OGDHL: variants seen among roughly 807,000 people sequenced by gnomAD.
OGDHL encodes the protein oxoglutarate dehydrogenase L.
Under a neutral mutation model 109.6 loss-of-function variants are expected in OGDHL, and 79 were observed. The ratio of observed to expected loss-of-function variants is 0.72; its 90% confidence interval spans 0.60 to 0.87. The LOEUF (loss-of-function observed/expected upper bound fraction) is 0.87, where lower values mean the gene tolerates loss of function less well. OGDHL is among the 40% of genes least tolerant of loss of function. The pLI is 0.00. For missense variants in OGDHL, 1,275 were observed against 1,362.2 expected (o/e 0.94, Z 1.01); for synonymous variants, 528 against 537.2 (o/e 0.98, Z 0.24).
chr10:49,736,125 C>T lies in OGDHL; in HGVS notation c.2807G>A (p.Gly936Asp). Residue 936 changes from glycine (G) to aspartate (D), a missense_variant, in exon 22 of 23, where the codon GGT (glycine) becomes GAT (aspartate). Coordinates refer to ENST00000374103, the MANE Select transcript of OGDHL (RefSeq NM_018245.3). Reference protein sequence around the residue: ...LIKQEAEKYPGAELAWCQEEH... With the variant: ...LIKQEAEKYPDAELAWCQEEH... ...CTCCTGACACCAGGCCAGCTCCGCA[C>T]CTGGGTACTTCTCTGCCTCCTGCTT... 2 of 1,611,590 alleles carry T rather than the reference C, an allele frequency of 1.2e-6. No homozygotes were observed. Among genetic ancestry groups the T allele is most frequent in the Non-Finnish European group, 8.5e-7 (1 of 1,178,662 alleles).
intron 3 of OGDHL, among the ~76,000 whole-genome samples, chr10:49,752,957 G>C (rs889853770): frequency 6.6e-6 from 1 of 152,230 alleles, no homozygotes; most frequent in Non-Finnish European, 1.5e-5. Flanking sequence ...AACATGCACG[G>C]GCAAAAACAG....
chr10:49,752,853 C>G (rs1842697034), intron 3 of OGDHL, 113 bp from the exon 4 acceptor site: 1 of 728,572 alleles, frequency 1.4e-6, no homozygotes, highest in East Asian at 2.6e-5. Context: ...GTTAAGCTTC[C>G]CCATGTCTCT....
rs1399902868 is a variant in OGDHL, at chr10:49,742,946, T to C, written c.1894A>G (p.Met632Val). Residue 632 changes from methionine (M) to valine (V), a missense_variant, in exon 15 of 23, where the codon ATG becomes GTG. Transcript: ENST00000374103. The stretch of plus-strand genomic sequence containing the variant: ...CAGTCCACCGTCCGGTTCTTGGTCA[T>C]GTCCGCACGGCCCCGCAGAATGCGA... ...LSRILRGRADMTKNRTVDWAL... is the reference protein window; with the variant it reads ...LSRILRGRADVTKNRTVDWAL... The C allele has an allele frequency of 2.5e-6, 4 of 1,613,766 alleles. No homozygotes were observed. The highest frequency in any genetic ancestry group is 2.7e-5 in the African/African-American group (2 of 74,952).
intron 3 of OGDHL, among the ~76,000 whole-genome samples, chr10:49,754,507 A>C (rs1326101455): frequency 2.0e-5 from 3 of 152,234 alleles, no homozygotes; most frequent in Non-Finnish European, 4.4e-5. Flanking sequence ...CAGAGTTAAC[A>C]AACGGAAGTT....
At chr10:49,749,559 A>C (rs1842441281) in intron 8 of OGDHL, among the ~76,000 whole-genome samples, 167 bp downstream of exon 8, 1 of 152,062 alleles carries the variant, frequency 6.6e-6, no homozygotes, top group South Asian at 2.1e-4. Context: ...TGCTCCAAAA[A>C]GCCTTAGGGT....
chr10:49,737,251 G>A (rs933134996), intron 20 of OGDHL, among the ~76,000 whole-genome samples: 1 of 152,140 alleles, frequency 6.6e-6, no homozygotes, highest in African/African-American at 2.4e-5. Context: ...TGTCCATGCT[G>A]AGGCCCTTCC....
intron 3 of OGDHL, among the ~76,000 whole-genome samples, chr10:49,756,041 T>C (rs559682259): frequency 6.6e-6 from 1 of 152,322 alleles, no homozygotes; most frequent in Admixed American, 6.5e-5. Flanking sequence ...CTCTGTTCCA[T>C]CCCACAGATT....
rs753061900 is a variant in OGDHL, at chr10:49,745,470, A to C, written c.1503T>G (p.Asn501Lys). Reference sequence around the variant, plus strand: ...GGGTGAACATGGGCTCGTCCATCTCATTGTGGCCACGCCGGCGGTAACAGA... The same window carrying C: ...GGGTGAACATGGGCTCGTCCATCTCCTTGTGGCCACGCCGGCGGTAACAGA... ...DLVCYRRRGH[N>K]EMDEPMFTQP... The change falls in exon 12 of 23, where the codon AAT becomes AAG. Residue 501 changes from asparagine to lysine, a missense_variant. Asn to Lys is a moderately conservative substitution (Grantham distance 94). Transcript: ENST00000374103. The C allele has an allele frequency of 1.2e-6, 2 of 1,613,994 alleles. No homozygotes were observed. The highest frequency in any genetic ancestry group is 1.7e-6 in the Non-Finnish European group (2 of 1,180,002).
At chr10:49,746,107 A>G (rs754624085) in intron 10 of OGDHL, 130 bp from the exon 11 acceptor site, 9 of 1,022,812 alleles carry the variant, frequency 8.8e-6, no homozygotes, top group Non-Finnish European at 1.3e-5. Flanking sequence ...GTGGGACACA[A>G]CAGGGTGATG....
Position 49,758,469 on chromosome 10 carries a change from T to C in OGDHL, c.124A>G (p.Ser42Gly). 1 of 1,613,946 alleles carries C rather than the reference T, an allele frequency of 6.2e-7. No homozygotes were observed. Among genetic ancestry groups the C allele is most frequent in the East Asian group, 2.2e-5 (1 of 44,868 alleles). Residue 42 changes from serine to glycine, a missense_variant, in exon 2 of 23, where the codon AGC becomes GGC. Ser to Gly is a moderately conservative substitution (Grantham distance 56, BLOSUM62 0). Transcript: ENST00000374103. ...RSSGPPATFPSSKGGGGSSYM... is the reference protein window; with the variant it reads ...RSSGPPATFPGSKGGGGSSYM... Reference sequence around the variant, plus strand: ...CTGGAGCCGCCTCCACCTTTGCTGCTTGGGAAGGTGGCCGGTGGCCCGGAG... The same window carrying C: ...CTGGAGCCGCCTCCACCTTTGCTGCCTGGGAAGGTGGCCGGTGGCCCGGAG...
Position 49,737,795 on chromosome 10 carries a change from T to G in OGDHL, c.2581A>C (p.Met861Leu), listed in dbSNP as rs890540394. ...CAGGCCAGGCACGTACCGGATACCATTTGGTCAAAGCTGGACTTGGCCTCT... is the reference window on the plus strand; with the variant it reads ...CAGGCCAGGCACGTACCGGATACCAGTTGGTCAAAGCTGGACTTGGCCTCT... Reference protein sequence around the residue: ...HPEAKSSFDQMVSGTSFQRVI... With the variant: ...HPEAKSSFDQLVSGTSFQRVI... The change falls in exon 20 of 23, where the codon ATG becomes CTG. Residue 861 changes from methionine (M) to leucine (L), a missense_variant. Met to Leu is a conservative substitution (Grantham distance 15). Transcript: ENST00000374103. 27 of 1,613,962 alleles carry G rather than the reference T, an allele frequency of 1.7e-5. No individual in the cohort carries two copies. The highest frequency in any genetic ancestry group is 2.2e-5 in the Non-Finnish European group (26 of 1,180,002).
At chr10:49,752,955 C>T (rs1045520721) in intron 3 of OGDHL, among the ~76,000 whole-genome samples, 14 of 152,212 alleles carry the variant, frequency 9.2e-5, no homozygotes, top group African/African-American at 1.9e-4. Context: ...ACAACATGCA[C>T]GGGCAAAAAC....
In OGDHL at chr10:49,739,797, A is replaced by T. The variant is rs750024903; in HGVS notation, c.2183T>A (p.Val728Asp). The T allele has an allele frequency of 6.2e-7, 1 of 1,614,098 alleles. No homozygotes were observed. The change falls in exon 17 of 23, where the codon GTC (valine) becomes GAC (aspartate). Residue 728 changes from valine (V) to aspartate (D), a missense_variant. Physicochemically the swap from Val to Asp is radical, Grantham distance 152 (BLOSUM62 -3). Transcript: ENST00000374103. ...GTCCCCAAACTGGGCCTCCCAGAGG[A>T]CCAGGGCATTGGGGCTGGCCATGGC... Reference protein sequence around the residue: ...GYAMASPNALVLWEAQFGDFH... With the variant: ...GYAMASPNALDLWEAQFGDFH...
chr10:49,746,480 T>C (rs1316585130), intron 10 of OGDHL, among the ~76,000 whole-genome samples: 3 of 152,222 alleles, frequency 2.0e-5, no homozygotes, highest in African/African-American at 7.2e-5. Flanking sequence ...GTGTCTAAGA[T>C]TGCCCATGTG....
At chr10:49,751,087 G>C in intron 6 of OGDHL, 102 bp from the exon 7 acceptor site, 1 of 1,137,756 alleles carries the variant, frequency 8.8e-7, no homozygotes, top group Non-Finnish European at 1.2e-6. Context: ...TGAATGCTGA[G>C]GACAGAGGAA....
At position 49,752,620 on chromosome 10, in the gene OGDHL, C is replaced by T. The variant is rs767480874; in HGVS notation, c.478+18G>A. 4 of 1,603,278 alleles carry T rather than the reference C, an allele frequency of 2.5e-6. No individual in the cohort carries two copies. Among genetic ancestry groups the T allele is most frequent in the Non-Finnish European group, 8.5e-7 (1 of 1,170,006 alleles). On this transcript the variant is annotated intron_variant, in intron 4 of 22. Coordinates refer to ENST00000374103, the MANE Select transcript of OGDHL (RefSeq NM_018245.3). ...ACCCACACAGCACTGCCATGGCCGT[C>T]CTGAGGAAGGGTCTTACCCAGTTTA...
chr10:49,736,922 G>A (rs1238126592), intron 20 of OGDHL, among the ~76,000 whole-genome samples: 1 of 152,166 alleles, frequency 6.6e-6, no homozygotes, highest in African/African-American at 2.4e-5. Context: ...CCAGGAGGCT[G>A]CTGCATGCTC....
intron 15 of OGDHL, among the ~76,000 whole-genome samples, chr10:49,742,466 A>C (rs1473815416): frequency 4.6e-5 from 1 of 21,900 alleles, no homozygotes; most frequent in Non-Finnish European, 9.1e-5. Flanking sequence ...CGCACCACAC[A>C]CACCCCCTAT....
Position 49,739,718 on chromosome 10 carries a change from G to T in OGDHL, c.2262C>A (p.Ala754=). Residue 754 remains alanine (A), a synonymous_variant, in exon 17 of 23, where the codon GCC becomes GCA. Coordinates refer to ENST00000374103, the MANE Select transcript of OGDHL (RefSeq NM_018245.3). Reference sequence around the variant, plus strand: ...CAATGCCATTATGCCGCACCCACTTGGCCTGGCCGGTGCTGATGAACTGGT... The same window carrying T: ...CAATGCCATTATGCCGCACCCACTTTGCCTGGCCGGTGCTGATGAACTGGT... The part of the protein sequence containing the change: ...IIDQFISTGQ[A]KWVRHNGIVL... 6.2e-7 allele frequency: 1 copy of T among 1,614,158 alleles called. No homozygotes were observed. The highest frequency in any genetic ancestry group is 1.1e-5 in the South Asian group (1 of 91,072).
Sources: allele counts gnomAD v4.1 joint callset (sites outside exome capture counted in the v4.1 genomes callset), GRCh38; gene constraint gnomAD v4.1.1; transcripts MANE v1.5; gene names NCBI Gene and HGNC (gene_info 2026-07-23, HGNC 2026-07-21).